OSBP2: variants seen among roughly 807,000 people sequenced by gnomAD.
The protein encoded by OSBP2 is oxysterol-binding protein 2.
OSBP2 carries 66 observed loss-of-function variants against 96.0 expected under a neutral mutation model. The observed-to-expected ratio is 0.69, with a 90% CI of 0.56 to 0.84. The LOEUF (loss-of-function observed/expected upper bound fraction) is 0.84, where lower values mean the gene tolerates loss of function less well. Among genes scored for constraint, OSBP2 ranks in the 40% least tolerant of loss-of-function variants. The pLI is 0.00. For missense variants in OSBP2, 1,038 were observed against 1,222.7 expected (o/e 0.85, Z 2.25); for synonymous variants, 525 against 520.9 (o/e 1.01, Z -0.11).
At chr22:30,781,281 C>T (rs570994936) in intron 2 of OSBP2, among the ~76,000 whole-genome samples, 5 of 151,974 alleles carry the variant, frequency 3.3e-5, no homozygotes, top group Non-Finnish European at 7.4e-5. Context: ...CACACCCGGC[C>T]GATGTTTTTG....
At chr22:30,858,915 A>T (rs926602094) in intron 2 of OSBP2, among the ~76,000 whole-genome samples, 2 of 111,846 alleles carry the variant, frequency 1.8e-5, no homozygotes, top group African/African-American at 3.9e-5. Flanking sequence ...ATAATAATAA[A>T]AGCATTCCCA....
chr22:30,775,262 C>T (rs912754631), intron 2 of OSBP2, among the ~76,000 whole-genome samples: 3 of 151,984 alleles, frequency 2.0e-5, no homozygotes, highest in Non-Finnish European at 4.4e-5. Context: ...TACAGCAAAC[C>T]CCATCTGTGC....
rs762172674 is a variant in OSBP2 at position 30,889,206 on chromosome 22, G to C, written c.1448G>C (p.Ser483Thr). Residue 483 changes from serine (S) to threonine (T), a missense_variant, in exon 6 of 14, where the codon AGT becomes ACT. Around this residue, in one of 3 missense-constraint regions of OSBP2, gnomAD observed 737 missense variants for 913.3 expected, o/e 0.81. Transcript: ENST00000332585. Reference protein sequence around the residue: ...SRKAEGSTGTSSVDWSSADNV... With the variant: ...SRKAEGSTGTTSVDWSSADNV... ...AAAGCTGAAGGTAGCACCGGGACAA[G>C]TTCCGTGGACTGGAGCTCAGCAGAC... 1 of 1,613,460 alleles carries C rather than the reference G, an allele frequency of 6.2e-7. No homozygotes were observed. Among genetic ancestry groups the C allele is most frequent in the Admixed American group, 1.7e-5 (1 of 59,974 alleles).
intron 2 of OSBP2, among the ~76,000 whole-genome samples, chr22:30,779,857 C>T (rs111644581): frequency 1.2e-4 from 18 of 152,116 alleles, no homozygotes; most frequent in African/African-American, 1.7e-4. Context: ...GTCTTTCTCC[C>T]GGTGAAGGCT....
intron 2 of OSBP2, among the ~76,000 whole-genome samples, chr22:30,787,546 G>A (rs2090609751): frequency 6.6e-6 from 1 of 152,146 alleles, no homozygotes; most frequent in South Asian, 2.1e-4. Context: ...GGTGGTGCAT[G>A]CCTGTAATCC....
At position 30,738,004 on chromosome 22, in the gene OSBP2, G is replaced by C. The variant is rs187807767; in HGVS notation, c.645-3157G>C. On this transcript the variant is annotated intron_variant, in intron 1 of 13. Transcript: ENST00000332585. ...TGGGATTACAGGCGTGAGCCACCGTGCACGGCTGAGACTCTAAATCCTTAA... is the reference window on the plus strand; with the variant it reads ...TGGGATTACAGGCGTGAGCCACCGTCCACGGCTGAGACTCTAAATCCTTAA... Among the ~76,000 whole-genome samples, 21 of 151,848 alleles carry C rather than the reference G, an allele frequency of 1.4e-4. No individual in the cohort carries two copies. In the East Asian group the frequency reaches 4.1e-3, roughly 29 times the overall value.
At chr22:30,745,924 T>C (rs998847823) in intron 2 of OSBP2, among the ~76,000 whole-genome samples, 2 of 152,100 alleles carry the variant, frequency 1.3e-5, no homozygotes, top group African/African-American at 2.4e-5. Flanking sequence ...AATGAACAGT[T>C]TATGCCAACA....
intron 1 of OSBP2, among the ~76,000 whole-genome samples, chr22:30,701,789 A>G (rs2089167865): frequency 6.6e-6 from 1 of 152,182 alleles, no homozygotes; most frequent in African/African-American, 2.4e-5. Flanking sequence ...AGGTAGCTTT[A>G]TTGGATTCAG....
intron 2 of OSBP2, among the ~76,000 whole-genome samples, chr22:30,765,326 C>T (rs887994581): frequency 2.6e-5 from 4 of 152,208 alleles, no homozygotes; most frequent in African/African-American, 7.2e-5. Flanking sequence ...TCTCCTGCCT[C>T]AGCCTCCCCA....
At chr22:30,866,478 G>A (rs2039341835) in intron 2 of OSBP2, among the ~76,000 whole-genome samples, 1 of 152,200 alleles carries the variant, frequency 6.6e-6, no homozygotes, top group Non-Finnish European at 1.5e-5. Context: ...GGTGGCTCAG[G>A]CCTGTGATCC....
chr22:30,869,817 C>G (rs1000051704), intron 2 of OSBP2, among the ~76,000 whole-genome samples: 3 of 152,110 alleles, frequency 2.0e-5, no homozygotes, highest in Non-Finnish European at 4.4e-5. Context: ...GGGGCAGGAC[C>G]TCTGGTGGGG....
intron 1 of OSBP2, among the ~76,000 whole-genome samples, chr22:30,733,562 GTAC>G (rs2089810939): frequency 6.6e-6 from 1 of 152,192 alleles, no homozygotes; most frequent in Non-Finnish European, 1.5e-5. Context: ...CTGAGATGCA[GTAC>G]TACTCCCAAG....
At chr22:30,784,794 G>C (rs1031839975) in intron 2 of OSBP2, among the ~76,000 whole-genome samples, 6 of 137,360 alleles carry the variant, frequency 4.4e-5, no homozygotes, top group African/African-American at 1.7e-4. Context: ...TTTTTTTTGA[G>C]ATGTGTCTTG....
At chr22:30,822,804 G>A in intron 2 of OSBP2, 1 of 1,066,274 alleles carries the variant, frequency 9.4e-7, no homozygotes, top group Non-Finnish European at 1.3e-6. Flanking sequence ...ATCCACGGGA[G>A]CCTCTGATGT....
chr22:30,753,023 G>A (rs901407449), intron 2 of OSBP2, among the ~76,000 whole-genome samples: 4 of 152,098 alleles, frequency 2.6e-5, no homozygotes, highest in African/African-American at 9.7e-5. Context: ...CTTTTTTTAG[G>A]TTAACTTTGG....
intron 2 of OSBP2, among the ~76,000 whole-genome samples, chr22:30,754,187 G>A (rs1481379139): frequency 6.6e-6 from 1 of 152,112 alleles, no homozygotes; most frequent in Non-Finnish European, 1.5e-5. Flanking sequence ...TTCCAAGTGC[G>A]TGAGAAGATG....
intron 2 of OSBP2, among the ~76,000 whole-genome samples, chr22:30,845,646 G>A (rs2038853365): frequency 6.6e-6 from 1 of 151,722 alleles, no homozygotes; most frequent in African/African-American, 2.4e-5. Context: ...CACTTTGGGA[G>A]GCCGAGGTGA....
intron 3 of OSBP2, among the ~76,000 whole-genome samples, chr22:30,887,101 G>A (rs1258419675): frequency 6.6e-6 from 1 of 152,186 alleles, no homozygotes; most frequent in Non-Finnish European, 1.5e-5. Context: ...TCCTGATGTT[G>A]CCATGGCATC....
At chr22:30,728,807 T>C (rs2089696723) in intron 1 of OSBP2, among the ~76,000 whole-genome samples, 1 of 152,196 alleles carries the variant, frequency 6.6e-6, no homozygotes, top group African/African-American at 2.4e-5. Flanking sequence ...GGTTCTTATA[T>C]GTAACTAACT....
Sources: allele counts gnomAD v4.1 joint callset (sites outside exome capture counted in the v4.1 genomes callset), GRCh38; gene constraint gnomAD v4.1.1; regional missense constraint gnomAD v4.1.1; transcripts MANE v1.5; gene names NCBI Gene and HGNC (gene_info 2026-07-23, HGNC 2026-07-21).